Variants in DACH2 observed in about 807,000 individuals in gnomAD.
The protein encoded by DACH2 is dachshund homolog 2.
In DACH2, 17 loss-of-function variants were observed where a neutral mutation model predicts 35.8. The observed-to-expected ratio is 0.48, with a 90% CI of 0.33 to 0.71. The LOEUF is 0.71. Among genes scored for constraint, DACH2 ranks in the 30% least tolerant of loss-of-function variants. DACH2 has a pLI of 0.02. For missense variants in DACH2, 469 were observed against 472.7 expected, an observed-to-expected ratio of 0.99 and a Z score of 0.07; for synonymous variants, 195 against 177.3, an observed-to-expected ratio of 1.10 and a Z score of -0.79.
At chrX:86,562,027 T>C (rs1009585480) in intron 3 of DACH2, among the ~76,000 whole-genome samples, 46 of 61,369 alleles carry the variant, frequency 7.5e-4, no homozygotes, top group African/African-American at 5.1e-3. Context: ...AAAAAAATCT[T>C]TTGAAGGTGT....
chrX:86,289,975 T>C (rs1437851701), intron 1 of DACH2, among the ~76,000 whole-genome samples: 1 of 103,143 alleles, frequency 9.7e-6, no homozygotes, highest in East Asian at 3.2e-4. Context: ...TTTCTAGTTC[T>C]AGATCCCTGA....
intron 2 of DACH2, among the ~76,000 whole-genome samples, chrX:86,494,014 C>T (rs2038131489): frequency 9.0e-6 from 1 of 111,434 alleles, no homozygotes; most frequent in Non-Finnish European, 1.9e-5. Context: ...CTATTTGGTG[C>T]CGTATGACTT....
chrX:86,310,045 C>CT (rs1441465700), intron 1 of DACH2, among the ~76,000 whole-genome samples: 1 of 112,323 alleles, frequency 8.9e-6, no homozygotes, highest in Non-Finnish European at 1.9e-5. Flanking sequence ...GCAAAGGCCT[C>CT]TAAGATTTTG....
chrX:86,254,803 T>TAGAGAGAGAGAGAG (rs1191986026), intron 1 of DACH2, among the ~76,000 whole-genome samples: 1 of 65,164 alleles, frequency 1.5e-5, no homozygotes, highest in African/African-American at 8.6e-5. Flanking sequence ...TATATATATA[T>TAGAGAGAGAGAGAG]ATATAGAGAG....
chrX:86,435,547 C>T (rs2037054000), intron 2 of DACH2, among the ~76,000 whole-genome samples: 1 of 111,718 alleles, frequency 9.0e-6, no homozygotes, highest in African/African-American at 3.3e-5. Context: ...TTTTCAAAAT[C>T]ATACAAAGTT....
chrX:86,736,490 AAT>A (rs1316082880), intron 6 of DACH2, among the ~76,000 whole-genome samples: 1 of 111,873 alleles, frequency 8.9e-6, no homozygotes, highest in Non-Finnish European at 1.9e-5. Context: ...GCTAATTTTA[AAT>A]ATGTTAGGGG....
intron 2 of DACH2, among the ~76,000 whole-genome samples, chrX:86,401,653 A>G (rs1467248376): frequency 9.1e-6 from 1 of 110,101 alleles, no homozygotes; most frequent in Non-Finnish European, 1.9e-5. Context: ...ACATGTATCA[A>G]CAAGCAGTTA....
intron 1 of DACH2, among the ~76,000 whole-genome samples, chrX:86,327,878 G>A (rs1332498797): frequency 3.6e-5 from 4 of 111,237 alleles, no homozygotes; most frequent in African/African-American, 9.8e-5. Flanking sequence ...TGACTTTAAA[G>A]GATATCTGGA....
chrX:86,781,066 G>T (rs767000034), intron 7 of DACH2, among the ~76,000 whole-genome samples: 1 of 111,493 alleles, frequency 9.0e-6, no homozygotes, highest in South Asian at 3.8e-4. Context: ...ACGCATCCCC[G>T]TTCCAAGTTT....
At chrX:86,723,943 G>C (rs776955483) in intron 6 of DACH2, among the ~76,000 whole-genome samples, 3 of 110,429 alleles carry the variant, frequency 2.7e-5, no homozygotes, top group Non-Finnish European at 5.7e-5. Flanking sequence ...AGCTACTCCT[G>C]CTGGCTTTTG....
intron 3 of DACH2, among the ~76,000 whole-genome samples, chrX:86,534,391 A>G (rs2038767156): frequency 8.9e-6 from 1 of 112,452 alleles, no homozygotes; most frequent in African/African-American, 3.2e-5. Context: ...TGTATCATGT[A>G]TGTTGGATGA....
chrX:86,505,073 G>A (rs2052355650), intron 2 of DACH2, among the ~76,000 whole-genome samples: 1 of 112,012 alleles, frequency 8.9e-6, no homozygotes, highest in African/African-American at 3.2e-5. Context: ...TTAAGTGTGT[G>A]TTATAGATGT....
chrX:86,270,421 G>A (rs2033794884), intron 1 of DACH2, among the ~76,000 whole-genome samples: 1 of 111,330 alleles, frequency 9.0e-6, no homozygotes, highest in Non-Finnish European at 1.9e-5. Flanking sequence ...TAAGACAATG[G>A]CCATCAAGTA....
chrX:86,211,540 G>T (rs1034063992), intron 1 of DACH2, among the ~76,000 whole-genome samples: 2 of 111,238 alleles, frequency 1.8e-5, no homozygotes, highest in Non-Finnish European at 3.8e-5. Context: ...GTGACCAGCA[G>T]TTTCTCATTC....
At chrX:86,547,524 AACACACACACACACAC>A (rs751559427) in intron 3 of DACH2, among the ~76,000 whole-genome samples, 184 of 90,850 alleles carry the variant, frequency 2.0e-3, no homozygotes, top group African/African-American at 7.0e-3. Context: ...CGTGCTGCAG[AACACACACACACACAC>A]ACACACACAC....
intron 2 of DACH2, among the ~76,000 whole-genome samples, chrX:86,389,125 C>T (rs2036164591): frequency 8.9e-6 from 1 of 111,918 alleles, no homozygotes; most frequent in Non-Finnish European, 1.9e-5. Flanking sequence ...TTCGTAGTAT[C>T]AACTGGTACT....
intron 1 of DACH2, among the ~76,000 whole-genome samples, chrX:86,356,663 G>A (rs2035648189): frequency 9.0e-6 from 1 of 111,333 alleles, no homozygotes; most frequent in Non-Finnish European, 1.9e-5. Context: ...TCCTATCCAT[G>A]AGCATGGAAT....
intron 3 of DACH2, among the ~76,000 whole-genome samples, chrX:86,545,012 C>T (rs1395913259): frequency 9.0e-6 from 1 of 111,622 alleles, no homozygotes; most frequent in Admixed American, 9.5e-5. Flanking sequence ...CCAGGCTGGT[C>T]TCGAATTCCT....
rs775426229 is a variant in DACH2, at chrX:86,546,345, TTCTTCTTCTTCC to T, written c.640+31966_640+31977del. 1.3e-4 allele frequency among the ~76,000 whole-genome samples: 10 copies of T among 75,180 alleles called. No homozygotes were observed. The South Asian group carries it at 5.6e-3, about 42-fold the overall frequency. The allele number at this position is 75,180 out of a possible 115,157, so 65.3% of individuals were successfully genotyped here. ...TTTCTTCTTCTTCTTCTTCCTCTTC[TTCTTCTTCTTCC>T]TCTTCTTCTTCTTCTTCTTCTTCTT... On this transcript the variant is annotated intron_variant, in intron 3 of 11. Transcript: ENST00000373125.
Sources: allele counts gnomAD v4.1 joint callset (sites outside exome capture counted in the v4.1 genomes callset), GRCh38; gene constraint gnomAD v4.1.1; transcripts MANE v1.5; gene names NCBI Gene and HGNC (gene_info 2026-07-23, HGNC 2026-07-21).